Variants in PINX1 observed in about 807,000 individuals in gnomAD.
PINX1 encodes the protein PIN2 (TERF1) interacting telomerase inhibitor 1, also known as PIN2/TERF1-interacting telomerase inhibitor 1.
Under a neutral mutation model 25.4 loss-of-function variants are expected in PINX1, and 34 were observed. The ratio of observed to expected loss-of-function variants is 1.34; its 90% CI spans 1.02 to 1.78. The LOEUF (loss-of-function observed/expected upper bound fraction) is 1.78, where lower values mean the gene tolerates loss of function less well. PINX1 is among the 40% of genes most tolerant of loss of function. PINX1 has a pLI of 0.00. For missense variants in PINX1, 592 were observed against 404.9 expected (o/e 1.46, Z -3.97); for synonymous variants, 197 against 147.7 (o/e 1.33, Z -2.42).
chr8:10,828,061 G>T (rs1384410018), intron 4 of PINX1, among the ~76,000 whole-genome samples: 1 of 152,130 alleles, frequency 6.6e-6, no homozygotes, highest in Non-Finnish European at 1.5e-5. Flanking sequence ...CCTCCCAGGA[G>T]TCACTTATTT....
intron 2 of PINX1, among the ~76,000 whole-genome samples, chr8:10,834,184 T>A (rs976559241): frequency 6.6e-6 from 1 of 151,938 alleles, no homozygotes; most frequent in Non-Finnish European, 1.5e-5. Flanking sequence ...GAGTGGCAAG[T>A]GAGGTGAAAA....
intron 6 of PINX1, among the ~76,000 whole-genome samples, chr8:10,782,771 G>C (rs1468832943): frequency 7.0e-6 from 1 of 143,014 alleles, no homozygotes; most frequent in Non-Finnish European, 1.5e-5. Flanking sequence ...ACTCCCACTG[G>C]GTAGAAATGG....
At chr8:10,795,754 T>G (rs1054057889) in intron 6 of PINX1, among the ~76,000 whole-genome samples, 4 of 152,166 alleles carry the variant, frequency 2.6e-5, no homozygotes, top group Non-Finnish European at 5.9e-5. Context: ...ATTACCTAAA[T>G]AGGTAAAGTC....
At position 10,826,150 on chromosome 8, in the gene PINX1, AC is replaced by A; in HGVS notation, c.394+1del. 1 of 1,497,944 alleles carries A rather than the reference AC, an allele frequency of 6.7e-7. No homozygotes were observed. The highest frequency in any genetic ancestry group is 1.2e-5 in the South Asian group (1 of 84,608). 92.8% of individuals were successfully genotyped at this position (1,497,944 alleles called of 1,614,324 possible). The stretch of plus-strand genomic sequence containing the variant: ...AACAAGTAAAGAAATGCTTAATCTT[AC>A]CTTTTGTGAATTTCATATAGTGAAC... On this transcript the variant is annotated splice_donor_variant, in intron 5 of 6. Transcript: ENST00000314787. LOFTEE classifies it high-confidence loss of function.
chr8:10,782,602 G>A (rs1801621774), intron 6 of PINX1, among the ~76,000 whole-genome samples: 1 of 152,030 alleles, frequency 6.6e-6, no homozygotes, highest in East Asian at 1.9e-4. Context: ...TGGGCGTGGT[G>A]GCTCACGCCT....
At chr8:10,796,403 C>G (rs1802085931) in intron 6 of PINX1, among the ~76,000 whole-genome samples, 1 of 152,120 alleles carries the variant, frequency 6.6e-6, no homozygotes, top group Non-Finnish European at 1.5e-5. Flanking sequence ...ATTTCTACCT[C>G]TCGTATCCAG....
chr8:10,837,116 G>A (rs1050662837), intron 1 of PINX1, among the ~76,000 whole-genome samples: 3 of 152,198 alleles, frequency 2.0e-5, no homozygotes, highest in Non-Finnish European at 4.4e-5. Flanking sequence ...GGTAAGAGTG[G>A]CTCATTGTGC....
intron 6 of PINX1, chr8:10,771,437 T>C (rs6601521): frequency 0.54 from 81,841 of 152,144 alleles, 22,283 homozygotes; most frequent in Middle Eastern, 0.6. Flanking sequence ...CATCCTTTCT[T>C]GTTTATTCCC....
At chr8:10,802,333 T>C (rs779003983) in intron 6 of PINX1, among the ~76,000 whole-genome samples, 1 of 152,106 alleles carries the variant, frequency 6.6e-6, no homozygotes, top group Non-Finnish European at 1.5e-5. Flanking sequence ...ACTCATACAC[T>C]GATACACTCA....
In PINX1 at chr8:10,790,478, T is replaced by A. The variant is rs151056831; in HGVS notation, c.472-24562A>T. Among the ~76,000 whole-genome samples, 33 of 152,246 alleles carry A rather than the reference T, an allele frequency of 2.2e-4. No homozygotes were observed. In the East Asian group the frequency reaches 6.0e-3, roughly 28 times the overall value. On this transcript the variant is annotated intron_variant, in intron 6 of 6. Coordinates refer to ENST00000314787, the MANE Select transcript of PINX1 (RefSeq NM_017884.6). ...GGCTTCACATCCAGAGCTGCTCCCA[T>A]CTGCACGTCTGCCCTGCCGTGCGCT...
chr8:10,837,082 AG>A (rs957225793), intron 1 of PINX1, among the ~76,000 whole-genome samples: 6 of 152,206 alleles, frequency 3.9e-5, no homozygotes, highest in African/African-American at 1.4e-4. Context: ...AGGGAACTCA[AG>A]GGTTCCCACC....
intron 6 of PINX1, 45 bp from the exon 7 acceptor site, chr8:10,765,961 T>A (rs750245396): frequency 3.7e-5 from 58 of 1,588,866 alleles, no homozygotes; most frequent in Non-Finnish European, 4.7e-5. Context: ...CATCAACTGT[T>A]CATCCCTCAC....
chr8:10,809,361 T>C (rs1285457529), intron 6 of PINX1, among the ~76,000 whole-genome samples: 7 of 152,234 alleles, frequency 4.6e-5, no homozygotes, highest in Admixed American at 4.6e-4. Flanking sequence ...AGAGCAATAA[T>C]TTATCTGTTG....
At chr8:10,810,093 T>C (rs1802580700) in intron 6 of PINX1, among the ~76,000 whole-genome samples, 1 of 152,134 alleles carries the variant, frequency 6.6e-6, no homozygotes, top group Non-Finnish European at 1.5e-5. Context: ...TGAGAACTCA[T>C]TCATTACCAT....
At position 10,784,329 on chromosome 8, in the gene PINX1, T is replaced by G. The variant is rs75922400; in HGVS notation, c.472-18413A>C. Among the ~76,000 whole-genome samples the G allele has an allele frequency of 3.4e-3, 512 of 152,314 alleles. 2 individuals carry two copies. The highest frequency in any genetic ancestry group is 0.012 in the African/African-American group (479 of 41,562). ...AGTGGCTCTCCTTAGGATCACAAAGTAAGCAGGCACACAAATCCAATCTAA... is the reference window on the plus strand; with the variant it reads ...AGTGGCTCTCCTTAGGATCACAAAGGAAGCAGGCACACAAATCCAATCTAA... On this transcript the variant is annotated intron_variant, in intron 6 of 6. Coordinates refer to ENST00000314787, the MANE Select transcript of PINX1 (RefSeq NM_017884.6).
chr8:10,835,466 C>T lies in PINX1; in HGVS notation c.20-691G>A, dbSNP rs1289432744. Among the ~76,000 whole-genome samples the T allele has an allele frequency of 2.6e-5, 4 of 152,178 alleles. 1 individual carries two copies. The East Asian group carries it at 5.8e-4, about 22-fold the overall frequency. On this transcript the variant is annotated intron_variant, in intron 1 of 6. Coordinates refer to ENST00000314787, the MANE Select transcript of PINX1 (RefSeq NM_017884.6). The stretch of plus-strand genomic sequence containing the variant: ...TAGTCATTATGCTCTTGGGGAGAGT[C>T]AACTGTACCCTCCACACATGTGACC...
chr8:10,826,094 A>G, intron 5 of PINX1, 58 bp downstream of exon 5: 2 of 934,422 alleles, frequency 2.1e-6, no homozygotes, highest in Non-Finnish European at 3.3e-6. Context: ...AAATGCTTCA[A>G]GCAACTCAGG....
intron 6 of PINX1, among the ~76,000 whole-genome samples, chr8:10,791,897 C>T (rs1419301568): frequency 6.6e-6 from 1 of 152,192 alleles, no homozygotes; most frequent in Admixed American, 6.5e-5. Flanking sequence ...TGACAAGAAG[C>T]GTGCAGCTTT....
At chr8:10,780,205 T>C (rs1302768287) in intron 6 of PINX1, among the ~76,000 whole-genome samples, 1 of 152,226 alleles carries the variant, frequency 6.6e-6, no homozygotes, top group African/African-American at 2.4e-5. Flanking sequence ...AGATCTTTTA[T>C]TTCTTTTTCT....
Sources: allele counts gnomAD v4.1 joint callset (sites outside exome capture counted in the v4.1 genomes callset), GRCh38; gene constraint gnomAD v4.1.1; transcripts MANE v1.5; gene names NCBI Gene and HGNC (gene_info 2026-07-23, HGNC 2026-07-21).